Variants in KIF16B observed in about 807,000 individuals in gnomAD.
The protein encoded by KIF16B is kinesin-like protein KIF16B.
KIF16B carries 98 observed loss-of-function variants against 156.3 expected under a neutral mutation model. The observed-to-expected ratio is 0.63, with a 90% CI of 0.53 to 0.74. KIF16B has a LOEUF of 0.74. Ranked by LOEUF, KIF16B falls within the 30% of genes least tolerant of loss-of-function variation. KIF16B has a pLI of 0.00. For missense variants in KIF16B, 1,421 were observed against 1,606.5 expected (o/e 0.88, Z 1.97); for synonymous variants, 564 against 583.7 (o/e 0.97, Z 0.49).
chr20:16,369,767 T>G (rs76845974), intron 22 of KIF16B, among the ~76,000 whole-genome samples: 1 of 152,226 alleles, frequency 6.6e-6, no homozygotes. Context: ...AATGTTCCCA[T>G]GAACATTAAC....
At chr20:16,507,039 G>A (rs1023379158) in intron 7 of KIF16B, among the ~76,000 whole-genome samples, 5 of 151,286 alleles carry the variant, frequency 3.3e-5, no homozygotes, top group Non-Finnish European at 7.4e-5. Context: ...GGTTGAGACT[G>A]CAGTGAGCCG....
At chr20:16,309,413 ACCAATGCTCCTTGCTCCAAGG>A (rs1568837419) in intron 25 of KIF16B, among the ~76,000 whole-genome samples, 1 of 152,162 alleles carries the variant, frequency 6.6e-6, no homozygotes, top group Non-Finnish European at 1.5e-5. Flanking sequence ...CAGACACATA[ACCAATGCTCCTTGCTCCAAGG>A]TAAAAAAATT....
intron 15 of KIF16B, among the ~76,000 whole-genome samples, chr20:16,408,303 C>T (rs1438761107): frequency 6.6e-6 from 1 of 152,136 alleles, no homozygotes; most frequent in African/African-American, 2.4e-5. Context: ...AGTGGGGCAG[C>T]AGCAGATATT....
At chr20:16,538,200 T>G (rs2070053531) in intron 1 of KIF16B, among the ~76,000 whole-genome samples, 1 of 152,090 alleles carries the variant, frequency 6.6e-6, no homozygotes, top group African/African-American at 2.4e-5. Flanking sequence ...CCACACTGAG[T>G]CCACCAAGCA....
chr20:16,465,220 G>T (rs943842441), intron 12 of KIF16B, among the ~76,000 whole-genome samples: 2 of 152,182 alleles, frequency 1.3e-5, no homozygotes, highest in Admixed American at 1.3e-4. Flanking sequence ...TTATTCTGGT[G>T]TATTCTCTGC....
chr20:16,410,071 GTA>G (rs2065898945), intron 15 of KIF16B, among the ~76,000 whole-genome samples: 1 of 82,418 alleles, frequency 1.2e-5, no homozygotes, highest in Non-Finnish European at 2.3e-5. Context: ...ATATATGTAG[GTA>G]CATATATATA....
chr20:16,426,701 A>G (rs577671012), intron 15 of KIF16B, among the ~76,000 whole-genome samples: 1 of 152,270 alleles, frequency 6.6e-6, no homozygotes, highest in South Asian at 2.1e-4. Context: ...ATTTCAAAAC[A>G]AAAAATAGAC....
In KIF16B at chr20:16,389,421, A is replaced by G. The variant is rs114196709; in HGVS notation, c.1785-7674T>C. Among the ~76,000 whole-genome samples the G allele has an allele frequency of 4.5e-4, 69 of 152,346 alleles. 1 individual carries two copies. Among genetic ancestry groups the G allele is most frequent in the African/African-American group, 1.6e-3 (67 of 41,574 alleles). On this transcript the variant is annotated intron_variant, in intron 17 of 25. Coordinates refer to ENST00000354981, the MANE Select transcript of KIF16B (RefSeq NM_024704.5). Reference sequence around the variant, plus strand: ...TGGCCTTTTGCCTGGAATGCTCGGTAGTATTCCTCAGTCCAGAGAACCAGA... The same window carrying G: ...TGGCCTTTTGCCTGGAATGCTCGGTGGTATTCCTCAGTCCAGAGAACCAGA...
chr20:16,554,820 C>T (rs1384664225), intron 1 of KIF16B, among the ~76,000 whole-genome samples: 3 of 152,362 alleles, frequency 2.0e-5, no homozygotes, highest in East Asian at 1.9e-4. Context: ...GTGCCAGCCA[C>T]GGAAGCTGTT....
chr20:16,534,525 T>G (rs2069881505), intron 1 of KIF16B, among the ~76,000 whole-genome samples: 1 of 152,204 alleles, frequency 6.6e-6, no homozygotes, highest in African/African-American at 2.4e-5. Context: ...ACATAGCCCC[T>G]TCTGTCTGTT....
intron 12 of KIF16B, among the ~76,000 whole-genome samples, chr20:16,448,969 C>T (rs910317836): frequency 4.0e-5 from 6 of 150,680 alleles, no homozygotes; most frequent in Non-Finnish European, 8.9e-5. Flanking sequence ...AGAAAGAATA[C>T]AATCTACACT....
chr20:16,470,294 C>T (rs546083757), intron 12 of KIF16B, among the ~76,000 whole-genome samples: 23 of 152,246 alleles, frequency 1.5e-4, no homozygotes, highest in Admixed American at 1.3e-3. Flanking sequence ...AATTCATAGA[C>T]TGTACAACAC....
chr20:16,439,846 G>T (rs1361694192), intron 12 of KIF16B, among the ~76,000 whole-genome samples: 1 of 152,110 alleles, frequency 6.6e-6, no homozygotes, highest in Admixed American at 6.6e-5. Context: ...TCGCTATCAT[G>T]AGAACAGCAC....
intron 12 of KIF16B, among the ~76,000 whole-genome samples, chr20:16,463,226 C>T (rs143945780): frequency 6.6e-6 from 1 of 152,250 alleles, no homozygotes; most frequent in Non-Finnish European, 1.5e-5. Flanking sequence ...CACTCTTAAC[C>T]TCACTCCTTG....
At chr20:16,487,766 T>C (rs1292290448) in intron 12 of KIF16B, among the ~76,000 whole-genome samples, 3 of 152,184 alleles carry the variant, frequency 2.0e-5, no homozygotes, top group Non-Finnish European at 4.4e-5. Context: ...CCCTGTAGTA[T>C]CCTGCCTCTC....
intron 25 of KIF16B, among the ~76,000 whole-genome samples, chr20:16,298,036 G>A (rs2063417338): frequency 6.6e-6 from 1 of 152,214 alleles, no homozygotes; most frequent in South Asian, 2.1e-4. Context: ...CAGGTCCAAA[G>A]TCATGGAGAT....
intron 25 of KIF16B, among the ~76,000 whole-genome samples, chr20:16,294,259 T>C (rs1229749577): frequency 1.3e-5 from 2 of 152,144 alleles, no homozygotes; most frequent in African/African-American, 2.4e-5. Flanking sequence ...TCAGAGAAGA[T>C]ACATGCCCAA....
intron 12 of KIF16B, among the ~76,000 whole-genome samples, chr20:16,466,933 C>G (rs886771757): frequency 6.7e-6 from 1 of 149,168 alleles, no homozygotes; most frequent in African/African-American, 2.5e-5. Flanking sequence ...GACACAGTCA[C>G]AAGGGGAGGA....
At chr20:16,558,678 G>A (rs1419477983) in intron 1 of KIF16B, among the ~76,000 whole-genome samples, 2 of 152,224 alleles carry the variant, frequency 1.3e-5, no homozygotes, top group Non-Finnish European at 2.9e-5. Context: ...CAAGGCGGGA[G>A]GATTCACTTG....
Sources: allele counts gnomAD v4.1 joint callset (sites outside exome capture counted in the v4.1 genomes callset), GRCh38; gene constraint gnomAD v4.1.1; transcripts MANE v1.5; gene names NCBI Gene and HGNC (gene_info 2026-07-23, HGNC 2026-07-21).